Variants in VPS13C observed in about 807,000 individuals in gnomAD.
VPS13C encodes intermembrane lipid transfer protein VPS13C.
Under a neutral mutation model 456.8 loss-of-function variants are expected in VPS13C, and 358 were observed. The ratio of observed to expected loss-of-function variants is 0.78; its 90% CI spans 0.72 to 0.86. VPS13C has a LOEUF of 0.86. VPS13C is among the 40% of genes least tolerant of loss of function. The pLI, the probability that VPS13C is intolerant of heterozygous loss-of-function variation, is 0.00. For synonymous variants in VPS13C, 1,578 were observed against 1,486.7 expected, an observed-to-expected ratio of 1.06 and a Z score of -1.41; for missense variants, 4,818 against 4,385.4, an observed-to-expected ratio of 1.10 and a Z score of -2.79.
At chr15:62,001,530 T>G (rs13329332) in intron 15 of VPS13C, among the ~76,000 whole-genome samples, 120 of 152,340 alleles carry the variant, frequency 7.9e-4, no homozygotes, top group African/African-American at 2.6e-3. Context: ...TTTTTTATTA[T>G]TAGTATACTT....
rs1896089438 is a variant in VPS13C at position 61,884,137 on chromosome 15, A to G, written c.9474T>C (p.Asn3158=). ...SRDHGWIKLD[N]NFEVNFDKDP... ...AAGAATTTTGGTATACCTCAAAATT[A>G]TTATCTAGCTTAATCCAGCCATGGT... Residue 3158 remains asparagine, a synonymous_variant, in exon 68 of 85, where the codon AAT becomes AAC. Transcript: ENST00000644861. 4.4e-6 allele frequency: 7 copies of G among 1,583,864 alleles called. No individual in the cohort carries two copies. The highest frequency in any genetic ancestry group is 6.0e-6 in the Non-Finnish European group (7 of 1,170,368).
chr15:62,057,987 G>A (rs1440122874), intron 1 of VPS13C, among the ~76,000 whole-genome samples: 1 of 152,068 alleles, frequency 6.6e-6, no homozygotes. Flanking sequence ...TTTTTAAAAA[G>A]AAAATGTCTA....
chr15:61,939,054 A>G (rs1037321441), intron 47 of VPS13C, among the ~76,000 whole-genome samples: 2 of 152,186 alleles, frequency 1.3e-5, no homozygotes, highest in Non-Finnish European at 2.9e-5. Context: ...ATATAGTTCT[A>G]TTTTATTCAC....
intron 26 of VPS13C, 67 bp from the exon 27 acceptor site, chr15:61,972,831 T>G: frequency 6.9e-7 from 1 of 1,445,324 alleles, no homozygotes; most frequent in South Asian, 1.4e-5. Flanking sequence ...AACACTCAAA[T>G]CTAAATCTCT....
chr15:61,865,738 G>A (rs1596268498), intron 81 of VPS13C: 4 of 539,146 alleles, frequency 7.4e-6, no homozygotes, highest in African/African-American at 6.2e-5. Flanking sequence ...TTGTGTGTAT[G>A]TATATCTGTA....
At position 62,018,242 on chromosome 15, in the gene VPS13C, T is replaced by C. The variant is rs1416030835; in HGVS notation, c.684+2237A>G. Among the ~76,000 whole-genome samples, 3 of 152,230 alleles carry C rather than the reference T, an allele frequency of 2.0e-5. No individual in the cohort carries two copies. The East Asian group carries it at 5.8e-4, about 29-fold the overall frequency. ...TCATGTCATCTGCAAACACGGACAATTTGACTTCCTCTTTTCCTAATTGAA... is the reference window on the plus strand; with the variant it reads ...TCATGTCATCTGCAAACACGGACAACTTGACTTCCTCTTTTCCTAATTGAA... On this transcript the variant is annotated intron_variant, in intron 9 of 84. Coordinates refer to ENST00000644861, the MANE Select transcript of VPS13C (RefSeq NM_020821.3).
At chr15:61,913,008 G>A (rs899598505) in intron 62 of VPS13C, among the ~76,000 whole-genome samples, 157 of 150,694 alleles carry the variant, frequency 1.0e-3, no homozygotes, top group African/African-American at 2.9e-3. Flanking sequence ...TTAGAATGGC[G>A]ATCATTAAAA....
At chr15:61,981,656 C>T (rs1488638677) in intron 21 of VPS13C, among the ~76,000 whole-genome samples, 178 bp from the exon 22 acceptor site, 1 of 152,082 alleles carries the variant, frequency 6.6e-6, no homozygotes, top group Non-Finnish European at 1.5e-5. Context: ...GTCAGGAGAT[C>T]GAGACCATCC....
intron 12 of VPS13C, among the ~76,000 whole-genome samples, chr15:62,011,766 T>A (rs1240284733): frequency 1.3e-5 from 2 of 151,822 alleles, no homozygotes; most frequent in African/African-American, 4.8e-5. Flanking sequence ...AATACCAGAA[T>A]CTCAGAGATT....
intron 81 of VPS13C, chr15:61,866,049 CCTTAA>C: frequency 1.0e-6 from 1 of 984,526 alleles, no homozygotes; most frequent in East Asian, 1.1e-4. Context: ...TTACTCGGTC[CCTTAA>C]GGACAGAAGG....
chr15:62,026,772 T>C (rs1414004331), intron 6 of VPS13C, among the ~76,000 whole-genome samples: 1 of 152,088 alleles, frequency 6.6e-6, no homozygotes, highest in Non-Finnish European at 1.5e-5. Context: ...TGCTCAAGGG[T>C]TGAAGTTTAT....
chr15:61,910,938 A>C (rs895015923), intron 63 of VPS13C, among the ~76,000 whole-genome samples: 1 of 151,898 alleles, frequency 6.6e-6, no homozygotes, highest in Non-Finnish European at 1.5e-5. Flanking sequence ...ACAAAGATTA[A>C]AAAAAAATAA....
intron 6 of VPS13C, among the ~76,000 whole-genome samples, 154 bp from the exon 7 acceptor site, chr15:62,023,999 A>G (rs1261444790): frequency 6.6e-6 from 1 of 152,068 alleles, no homozygotes; most frequent in Non-Finnish European, 1.5e-5. Flanking sequence ...CAATATAAAG[A>G]CAAATTTACA....
intron 11 of VPS13C, 51 bp from the exon 12 acceptor site, chr15:62,012,215 G>A: frequency 1.1e-6 from 1 of 881,786 alleles, no homozygotes; most frequent in Non-Finnish European, 1.8e-6. Context: ...CACATATTCA[G>A]ACTCAGACAC....
Position 61,949,540 on chromosome 15 carries a change from T to C in VPS13C, c.4662A>G (p.Leu1554=), listed in dbSNP as rs769619752. The C allele has an allele frequency of 7.4e-6, 12 of 1,612,772 alleles. No individual in the cohort carries two copies. The South Asian group carries it at 1.3e-4, about 18-fold the overall frequency. ...GCTCAGAGAATGGAGCAGCAGATGA[T>C]AAAAAATCCATGAAGGAAAGTAAAG... ...LEALLSFMDF[L]SSAAPFSEPS... is the part of the protein sequence containing the mutation. The change falls in exon 42 of 85, where the codon TTA becomes TTG. Residue 1554 remains leucine, a synonymous_variant. Coordinates refer to ENST00000644861, the MANE Select transcript of VPS13C (RefSeq NM_020821.3).
intron 3 of VPS13C, among the ~76,000 whole-genome samples, chr15:62,036,738 C>G (rs950788223): frequency 6.6e-6 from 1 of 151,998 alleles, no homozygotes; most frequent in Non-Finnish European, 1.5e-5. Flanking sequence ...TTCTTCTCTA[C>G]ATTTATACTA....
At position 61,900,121 on chromosome 15, in the gene VPS13C, T is replaced by G. The variant is rs564610375; in HGVS notation, c.9105+7143A>C. On this transcript the variant is annotated intron_variant, in intron 66 of 84. Coordinates refer to ENST00000644861, the MANE Select transcript of VPS13C (RefSeq NM_020821.3). ...ATTGATGGGACGTATTTCAAAATAA[T>G]AAAAGCTATCTATGACAAACCCACA... 1.1e-3 allele frequency among the ~76,000 whole-genome samples: 173 copies of G among 152,226 alleles called. 1 individual carries two copies. The highest frequency in any genetic ancestry group is 3.9e-3 in the African/African-American group (162 of 41,538).
intron 1 of VPS13C, among the ~76,000 whole-genome samples, chr15:62,059,072 C>T (rs2048900497): frequency 6.6e-6 from 1 of 151,998 alleles, no homozygotes; most frequent in African/African-American, 2.4e-5. Flanking sequence ...CTAAAAAACA[C>T]GGGAAATACA....
chr15:62,059,580 A>G (rs1567160537), intron 1 of VPS13C, among the ~76,000 whole-genome samples: 1 of 152,240 alleles, frequency 6.6e-6, no homozygotes, highest in Non-Finnish European at 1.5e-5. Flanking sequence ...CAGACACCTA[A>G]TTAATGACGA....
Sources: allele counts gnomAD v4.1 joint callset (sites outside exome capture counted in the v4.1 genomes callset), GRCh38; gene constraint gnomAD v4.1.1; transcripts MANE v1.5; gene names NCBI Gene and HGNC (gene_info 2026-07-23, HGNC 2026-07-21).